The following MICALL1 variants were observed in gnomAD, a reference collection of about 807,000 sequenced individuals.
MICALL1 encodes the protein MICAL-like protein 1.
MICALL1 carries 61 observed loss-of-function variants against 83.7 expected under a neutral mutation model. The ratio of observed to expected loss-of-function variants is 0.73; its 90% CI spans 0.59 to 0.90. The LOEUF is 0.90. MICALL1 is among the 40% of genes least tolerant of loss of function. The pLI, the probability that MICALL1 is intolerant of heterozygous loss-of-function variation, is 0.00. For missense variants in MICALL1, 1,066 were observed against 1,152.0 expected (o/e 0.93, Z 1.08); for synonymous variants, 481 against 473.6 (o/e 1.02, Z -0.20).
chr22:37,925,805 G>A lies in MICALL1; in HGVS notation c.1227G>A (p.Glu409=), dbSNP rs145643576. 1 of 1,613,588 alleles carries A rather than the reference G, an allele frequency of 6.2e-7. No homozygotes were observed. Among genetic ancestry groups the A allele is most frequent in the Non-Finnish European group, 8.5e-7 (1 of 1,180,006 alleles). Residue 409 remains glutamate (E), a synonymous_variant, in exon 8 of 16, where the codon GAG becomes GAA. Coordinates refer to ENST00000215957, the MANE Select transcript of MICALL1 (RefSeq NM_033386.4). ...SRQVENGGTE[E]VAQPSPTASL... is the part of the protein sequence containing the mutation. ...AGGTGGAGAATGGAGGCACCGAGGAGGTGGCCCAGCCGAGCCCAACGGCCA... is the reference window on the plus strand; with the variant it reads ...AGGTGGAGAATGGAGGCACCGAGGAAGTGGCCCAGCCGAGCCCAACGGCCA...
In MICALL1 at chr22:37,940,961, T is replaced by C; in HGVS notation, c.*131T>C. ...TGACTAAGGGGAGGGATCCTCTGGG[T>C]GATGGCCTCTTCCTCCTCAGGGACC... is the stretch of plus-strand genomic sequence containing the variant. On this transcript the variant is annotated 3_prime_UTR_variant, in exon 16 of 16. Transcript: ENST00000215957. The C allele has an allele frequency of 8.6e-7, 1 of 1,158,444 alleles. No homozygotes were observed. The highest frequency in any genetic ancestry group is 1.5e-5 in the South Asian group (1 of 66,794). 71.8% of individuals were successfully genotyped at this position (1,158,444 alleles called of 1,614,324 possible). A position where few individuals can be genotyped will look rare whatever the true frequency, so the allele number is the denominator to read the frequency against.
chr22:37,934,671 A>G (rs1021315112), intron 13 of MICALL1, among the ~76,000 whole-genome samples: 7 of 150,372 alleles, frequency 4.7e-5, no homozygotes, highest in Admixed American at 6.7e-5. Context: ...ATCTCGGCTC[A>G]CTGCAAGCTC....
chr22:37,925,730 C>A lies in MICALL1; in HGVS notation c.1152C>A (p.Ala384=). ...LVQAEPKKKP[A]PLPPSSSPGP... is the part of the protein sequence containing the mutation. ...AGGCAGAACCAAAGAAGAAGCCAGC[C>A]CCACTTCCCCCAAGCAGCAGCCCGG... The change falls in exon 8 of 16, where the codon GCC becomes GCA. Residue 384 remains alanine (A), a synonymous_variant. Coordinates refer to ENST00000215957, the MANE Select transcript of MICALL1 (RefSeq NM_033386.4). The A allele has an allele frequency of 1.9e-6, 3 of 1,611,914 alleles. No individual in the cohort carries two copies. The highest frequency in any genetic ancestry group is 2.5e-6 in the Non-Finnish European group (3 of 1,179,726).
intron 13 of MICALL1, among the ~76,000 whole-genome samples, chr22:37,934,923 T>A (rs1930018456): frequency 6.8e-6 from 1 of 147,570 alleles, no homozygotes; most frequent in Non-Finnish European, 1.5e-5. Context: ...TTATTTTATT[T>A]ATTTATTTAT....
intron 1 of MICALL1, chr22:37,907,476 T>A (rs1156581506): frequency 6.6e-6 from 1 of 152,350 alleles, no homozygotes; most frequent in African/African-American, 2.4e-5. Context: ...CCTAAAACAC[T>A]GGGTGAGTTT....
At chr22:37,928,448 C>T (rs974622273) in intron 9 of MICALL1, among the ~76,000 whole-genome samples, 12 of 152,222 alleles carry the variant, frequency 7.9e-5, no homozygotes, top group Non-Finnish European at 1.3e-4. Flanking sequence ...CCTCACGATC[C>T]ACCCGCCTTG....
At chr22:37,926,520 G>C in intron 8 of MICALL1, 1 of 158,052 alleles carries the variant, frequency 6.3e-6, no homozygotes, top group South Asian at 1.9e-4. Flanking sequence ...CCCTGAGTCT[G>C]TCTGTAGTCC....
chr22:37,912,516 A>C, intron 3 of MICALL1, 24 bp downstream of exon 3: 1 of 1,572,370 alleles, frequency 6.4e-7, no homozygotes, highest in Non-Finnish European at 8.7e-7. Context: ...TCAGCGTTTC[A>C]CGGAGGCTGG....
intron 3 of MICALL1, among the ~76,000 whole-genome samples, chr22:37,917,305 C>T (rs1170614082): frequency 2.6e-5 from 4 of 152,214 alleles, no homozygotes; most frequent in Non-Finnish European, 4.4e-5. Context: ...AAGGAGGCAG[C>T]GCCTTTCCTG....
At chr22:37,938,462 T>C (rs1426902760) in intron 15 of MICALL1, among the ~76,000 whole-genome samples, 5 of 151,064 alleles carry the variant, frequency 3.3e-5, no homozygotes, top group East Asian at 3.9e-4. Context: ...CTTTTCTTTT[T>C]TTTTTTTTTG....
In MICALL1 at chr22:37,932,936, A is replaced by C. The variant is rs1929880719; in HGVS notation, c.2234+48A>C. The C allele has an allele frequency of 1.2e-6, 2 of 1,612,792 alleles. No individual in the cohort carries two copies. Among genetic ancestry groups the C allele is most frequent in the Admixed American group, 3.3e-5 (2 of 60,000 alleles). On this transcript the variant is annotated intron_variant, in intron 12 of 15. Transcript: ENST00000215957. The surrounding 1 kb of genome is among the most constrained non-coding windows in gnomAD (Gnocchi z 4.4). Reference sequence around the variant, plus strand: ...TCCCTCCCTGGAATCCGTAGAGCTTAGAATGGAGAACCCTTACCCTCTTCC... The same window carrying C: ...TCCCTCCCTGGAATCCGTAGAGCTTCGAATGGAGAACCCTTACCCTCTTCC...
At chr22:37,918,716 G>A (rs1177463485) in intron 4 of MICALL1, among the ~76,000 whole-genome samples, 2 of 152,350 alleles carry the variant, frequency 1.3e-5, no homozygotes, top group Non-Finnish European at 2.9e-5. Context: ...AGGGGAAGGG[G>A]CTGCACAGCC....
intron 1 of MICALL1, among the ~76,000 whole-genome samples, chr22:37,911,056 C>CT (rs1371016846): frequency 6.6e-6 from 1 of 152,136 alleles, no homozygotes; most frequent in African/African-American, 2.4e-5. Flanking sequence ...TGAGCTGTCT[C>CT]TGCTGGTTTC....
chr22:37,933,217 C>A, intron 13 of MICALL1, 105 bp downstream of exon 13: 2 of 1,189,722 alleles, frequency 1.7e-6, no homozygotes, highest in African/African-American at 1.5e-5. Flanking sequence ...CACAGGCAGA[C>A]TGGGGACAGG....
intron 1 of MICALL1, among the ~76,000 whole-genome samples, chr22:37,907,726 T>C (rs1478532851): frequency 4.6e-5 from 7 of 152,194 alleles, no homozygotes; most frequent in Admixed American, 2.0e-4. Context: ...GTATGTACCC[T>C]GCAGTACCGT....
chr22:37,927,451 G>A lies in MICALL1; in HGVS notation c.1506G>A (p.Ser502=), dbSNP rs201524607. 194 of 1,600,626 alleles carry A rather than the reference G, an allele frequency of 1.2e-4. No individual in the cohort carries two copies. Among genetic ancestry groups the A allele is most frequent in the Non-Finnish European group, 1.6e-4 (189 of 1,171,316 alleles). ...GCCTCTCGCACTCGGAGCCGCCCTC[G>A]GCCACACCATCGCCAGCGCTCAGCG... ...ASRLSHSEPP[S]ATPSPALSVE... is the part of the protein sequence containing the mutation. Residue 502 remains serine, a synonymous_variant, in exon 9 of 16, where the codon TCG becomes TCA. Coordinates refer to ENST00000215957, the MANE Select transcript of MICALL1 (RefSeq NM_033386.4).
intron 9 of MICALL1, among the ~76,000 whole-genome samples, chr22:37,929,258 C>T (rs935461744): frequency 7.9e-5 from 12 of 152,182 alleles, no homozygotes; most frequent in African/African-American, 2.4e-4. Flanking sequence ...TGGGTCTCCC[C>T]GCCATGGAAC....
chr22:37,938,332 G>A (rs978391603), intron 15 of MICALL1, among the ~76,000 whole-genome samples: 10 of 151,018 alleles, frequency 6.6e-5, no homozygotes. Context: ...AACCCGGGAG[G>A]TGGAGCTTGC....
At chr22:37,911,859 C>T (rs1373873973) in intron 1 of MICALL1, 93 bp from the exon 2 acceptor site, 1 of 1,260,114 alleles carries the variant, frequency 7.9e-7, no homozygotes. Flanking sequence ...GGGACAAGGT[C>T]TTCTCTGTTC....
Sources: gnomAD v4.1 joint callset for allele counts (sites outside exome capture counted in the v4.1 genomes callset) on GRCh38, gnomAD v4.1.1 for gene constraint, Gnocchi (gnomAD v3.1) non-coding constraint, MANE v1.5 for transcripts, NCBI Gene and HGNC (gene_info 2026-07-23, HGNC 2026-07-21) for gene names.